Variants in TXNDC5 observed in about 807,000 individuals in gnomAD.
The protein encoded by TXNDC5 is thioredoxin domain-containing protein 5.
Under a neutral mutation model 52.6 loss-of-function variants are expected in TXNDC5, and 44 were observed. The ratio of observed to expected loss-of-function variants is 0.84; its 90% CI spans 0.66 to 1.08. TXNDC5 has a LOEUF of 1.08. Among genes scored for constraint, TXNDC5 ranks in the 50% least tolerant of loss-of-function variants. The pLI is 0.00. For synonymous variants in TXNDC5, 241 were observed against 234.4 expected (o/e 1.03, Z -0.26); for missense variants, 600 against 565.5 (o/e 1.06, Z -0.62).
chr6:7,902,249 G>T (rs763122939), intron 2 of TXNDC5, among the ~76,000 whole-genome samples: 2 of 152,166 alleles, frequency 1.3e-5, no homozygotes, highest in Non-Finnish European at 2.9e-5. Context: ...ATTGTTTCTG[G>T]CCACCCGGTT....
intron 4 of TXNDC5, among the ~76,000 whole-genome samples, 179 bp from the exon 5 acceptor site, chr6:7,891,915 T>C (rs1212437436): frequency 6.6e-6 from 1 of 152,226 alleles, no homozygotes; most frequent in Non-Finnish European, 1.5e-5. Context: ...CATGACTTCA[T>C]AACAATACTC....
intron 1 of TXNDC5, among the ~76,000 whole-genome samples, chr6:7,907,165 C>CTTTTTCTT (rs1760764370): frequency 6.9e-6 from 1 of 143,910 alleles, no homozygotes; most frequent in African/African-American, 2.6e-5. Flanking sequence ...TTTTTTTTCC[C>CTTTTTCTT]TTTTTTTTTT....
chr6:7,910,377 C>T, intron 1 of TXNDC5, 137 bp downstream of exon 1: 1 of 1,059,986 alleles, frequency 9.4e-7, no homozygotes, highest in Non-Finnish European at 1.2e-6. Context: ...CCGAGCCCCG[C>T]GCCCGTAGCA....
chr6:7,886,550 A>G (rs1759990109), intron 7 of TXNDC5, among the ~76,000 whole-genome samples: 1 of 152,232 alleles, frequency 6.6e-6, no homozygotes, highest in African/African-American at 2.4e-5. Context: ...ACCTAGTTAC[A>G]ATAGCAAAGG....
intron 5 of TXNDC5, among the ~76,000 whole-genome samples, chr6:7,890,523 C>T (rs913942301): frequency 6.6e-6 from 1 of 152,076 alleles, no homozygotes; most frequent in Non-Finnish European, 1.5e-5. Flanking sequence ...GGATATAAAC[C>T]TAAAAGAATC....
chr6:7,906,805 G>T (rs981926079), intron 1 of TXNDC5, among the ~76,000 whole-genome samples: 1 of 152,020 alleles, frequency 6.6e-6, no homozygotes, highest in African/African-American at 2.4e-5. Flanking sequence ...TGAAGTGTGT[G>T]CAAGCTGGGA....
intron 9 of TXNDC5, among the ~76,000 whole-genome samples, chr6:7,883,615 T>C (rs1182360607): frequency 2.0e-5 from 3 of 152,212 alleles, no homozygotes; most frequent in African/African-American, 7.2e-5. Flanking sequence ...GCATTTCCAA[T>C]GACCTCCCTG....
intron 3 of TXNDC5, among the ~76,000 whole-genome samples, chr6:7,898,357 A>G (rs1360526942): frequency 3.3e-5 from 5 of 152,200 alleles, no homozygotes; most frequent in African/African-American, 9.6e-5. Context: ...CACCCAGCCG[A>G]GTTGAGAGAG....
rs752305347 is a variant in TXNDC5, at chr6:7,884,358, C to T, written c.1176+1G>A. The T allele has an allele frequency of 6.2e-7, 1 of 1,614,072 alleles. No individual in the cohort carries two copies. Among genetic ancestry groups the T allele is most frequent in the Non-Finnish European group, 8.5e-7 (1 of 1,179,964 alleles). ...CCATAAGCATCCATCCAAGTACCCA[C>T]CGAATACTTGCTGCAGATATTCCGT... On this transcript the variant is annotated splice_donor_variant, in intron 9 of 9. Transcript: ENST00000379757. LOFTEE classifies it high-confidence loss of function.
intron 6 of TXNDC5, 168 bp downstream of exon 6, chr6:7,889,327 A>G: frequency 1.6e-6 from 1 of 606,728 alleles, no homozygotes; most frequent in Non-Finnish European, 2.9e-6. Flanking sequence ...CCACAACCCA[A>G]ATCTTATCAA....
At chr6:7,894,349 C>T (rs1263410271) in intron 4 of TXNDC5, among the ~76,000 whole-genome samples, 2 of 151,738 alleles carry the variant, frequency 1.3e-5, no homozygotes, top group Non-Finnish European at 2.9e-5. Context: ...GTCATCCCAC[C>T]TTGTTCTCCC....
At chr6:7,900,678 G>A (rs150131898) in intron 2 of TXNDC5, among the ~76,000 whole-genome samples, 34 of 152,214 alleles carry the variant, frequency 2.2e-4, no homozygotes, top group Non-Finnish European at 2.5e-4. Context: ...AATCTATTTC[G>A]CCTAGCTCTA....
chr6:7,900,269 C>A (rs568175721), intron 2 of TXNDC5: 1 of 152,276 alleles, frequency 6.6e-6, no homozygotes, highest in Non-Finnish European at 1.5e-5. Context: ...CTGAAGGAAT[C>A]TGCAGAGAGG....
chr6:7,893,510 A>C (rs1760267078), intron 4 of TXNDC5, among the ~76,000 whole-genome samples: 1 of 151,784 alleles, frequency 6.6e-6, no homozygotes, highest in Admixed American at 6.5e-5. Flanking sequence ...TGTGGCAGTG[A>C]CCCACTTAGG....
At chr6:7,892,355 C>A (rs564879648) in intron 4 of TXNDC5, among the ~76,000 whole-genome samples, 14 of 152,332 alleles carry the variant, frequency 9.2e-5, no homozygotes, top group Admixed American at 2.6e-4. Flanking sequence ...AAGTCTGGAC[C>A]ACGGGGAGCT....
chr6:7,886,394 G>A (rs187276966), intron 7 of TXNDC5, among the ~76,000 whole-genome samples: 2 of 152,250 alleles, frequency 1.3e-5, no homozygotes, highest in Admixed American at 1.3e-4. Flanking sequence ...GGACCAGGCA[G>A]CCCTGGGTGT....
intron 2 of TXNDC5, among the ~76,000 whole-genome samples, chr6:7,903,915 A>G (rs1760651637): frequency 6.6e-6 from 1 of 152,212 alleles, no homozygotes; most frequent in East Asian, 1.9e-4. Context: ...AGGGCCAGTC[A>G]GTGGTGGGCC....
chr6:7,895,227 A>T, intron 3 of TXNDC5, 25 bp from the exon 4 acceptor site: 1 of 1,597,640 alleles, frequency 6.3e-7, no homozygotes, highest in Non-Finnish European at 8.5e-7. Flanking sequence ...TAAAACAGTC[A>T]TGGGTGTGTC....
At chr6:7,903,487 A>T (rs570323762) in intron 2 of TXNDC5, among the ~76,000 whole-genome samples, 2 of 152,050 alleles carry the variant, frequency 1.3e-5, no homozygotes, top group Non-Finnish European at 2.9e-5. Flanking sequence ...TCCTGTAACA[A>T]TGTTTGGGGG....
Sources: allele counts gnomAD v4.1 joint callset (sites outside exome capture counted in the v4.1 genomes callset), GRCh38; gene constraint gnomAD v4.1.1; transcripts MANE v1.5; gene names NCBI Gene and HGNC (gene_info 2026-07-23, HGNC 2026-07-21).